Variants in TENM2 observed in about 807,000 individuals in gnomAD.
TENM2 encodes teneurin transmembrane protein 2, also known as teneurin-2.
Under a neutral mutation model 245.2 loss-of-function variants are expected in TENM2, and 52 were observed. That is an observed-to-expected ratio of 0.21 (90% confidence interval 0.17 to 0.27). TENM2 has a LOEUF of 0.27. Ranked by LOEUF, TENM2 falls within the 10% of genes least tolerant of loss-of-function variation. TENM2 has a pLI of 1.00. For missense variants in TENM2, 3,046 were observed against 3,666.8 expected, an observed-to-expected ratio of 0.83 and a Z score of 4.37; for synonymous variants, 1,363 against 1,438.9, an observed-to-expected ratio of 0.95 and a Z score of 1.19.
At chr5:167,379,931 C>CAAA (rs10622295) in intron 2 of TENM2, among the ~76,000 whole-genome samples, 43,668 of 131,710 alleles carry the variant, frequency 0.33, 7,266 homozygotes, top group African/African-American at 0.44. Context: ...AAAAACATAC[C>CAAA]AAAAAAAAAA....
At chr5:167,503,350 C>T (rs755875006) in intron 2 of TENM2, among the ~76,000 whole-genome samples, 1 of 151,626 alleles carries the variant, frequency 6.6e-6, no homozygotes, top group African/African-American at 2.4e-5. Context: ...TTAACTTAGA[C>T]AGTGCATTTG....
chr5:167,521,491 T>A lies in TENM2; in HGVS notation c.502+146018T>A, dbSNP rs980273607. Reference sequence around the variant, plus strand: ...TTACCCAGGAACACTGCAGAAACATTCATCATATACAGGTTTATTTTGGGC... The same window carrying A: ...TTACCCAGGAACACTGCAGAAACATACATCATATACAGGTTTATTTTGGGC... On this transcript the variant is annotated intron_variant, in intron 2 of 28. Coordinates refer to ENST00000518659, the Ensembl canonical transcript of TENM2. Among the ~76,000 whole-genome samples, 9 of 152,182 alleles carry A rather than the reference T, an allele frequency of 5.9e-5. 1 individual carries two copies. The highest frequency in any genetic ancestry group is 1.3e-4 in the Non-Finnish European group (9 of 68,014).
At chr5:167,542,297 C>A (rs150441830) in intron 2 of TENM2, among the ~76,000 whole-genome samples, 61 of 152,254 alleles carry the variant, frequency 4.0e-4, no homozygotes, top group African/African-American at 1.4e-3. Flanking sequence ...TTAACACATA[C>A]CTTTCAAGAG....
intron 13 of TENM2, among the ~76,000 whole-genome samples, chr5:168,178,268 T>A (rs1759529421): frequency 6.6e-6 from 1 of 152,170 alleles, no homozygotes; most frequent in Non-Finnish European, 1.5e-5. Flanking sequence ...GCACTGGCCG[T>A]CGGCTCAGTT....
chr5:167,954,179 TCACTCA>T (rs1780346062), intron 4 of TENM2, among the ~76,000 whole-genome samples: 1 of 150,908 alleles, frequency 6.6e-6, no homozygotes, highest in African/African-American at 2.4e-5. Context: ...ACACACACAC[TCACTCA>T]CACACACACA....
At chr5:167,285,348 C>A (rs1771273986) in intron 1 of TENM2, among the ~76,000 whole-genome samples, 1 of 152,168 alleles carries the variant, frequency 6.6e-6, no homozygotes, top group African/African-American at 2.4e-5. Context: ...TCTCCTTGAA[C>A]AAATGGTGTA....
chr5:167,705,614 A>G (rs1758452006), intron 2 of TENM2, among the ~76,000 whole-genome samples: 1 of 152,146 alleles, frequency 6.6e-6, no homozygotes, highest in Admixed American at 6.6e-5. Flanking sequence ...CATAACACTC[A>G]ATTAGAGTTA....
At chr5:167,603,152 C>A (rs1323403365) in intron 2 of TENM2, among the ~76,000 whole-genome samples, 1 of 152,106 alleles carries the variant, frequency 6.6e-6, no homozygotes, top group African/African-American at 2.4e-5. Flanking sequence ...GATCCTCAAG[C>A]ACCTGGAATG....
At chr5:167,940,026 G>T in intron 3 of TENM2, among the ~76,000 whole-genome samples, 1 of 152,088 alleles carries the variant, frequency 6.6e-6, no homozygotes, top group East Asian at 1.9e-4. Flanking sequence ...TGCTTGTAAG[G>T]CATTTGTTGT....
At chr5:167,842,114 C>T (rs780470015) in intron 2 of TENM2, among the ~76,000 whole-genome samples, 9 of 152,094 alleles carry the variant, frequency 5.9e-5, no homozygotes, top group Non-Finnish European at 1.2e-4. Flanking sequence ...ACTGCCCAGA[C>T]ATCTTGCTGC....
the TENM2 span, among the ~76,000 whole-genome samples, chr5:167,067,737 C>T: frequency 6.6e-6 from 1 of 152,258 alleles, no homozygotes; most frequent in East Asian, 1.9e-4. Flanking sequence ...AACATACACT[C>T]GACAGTTCTC....
the TENM2 span, among the ~76,000 whole-genome samples, chr5:166,988,111 C>G: frequency 2.0e-5 from 3 of 152,168 alleles, no homozygotes; most frequent in African/African-American, 7.2e-5. Context: ...TTCCACAGCC[C>G]CAGGTAATAG....
At chr5:168,185,146 G>A (rs577960821) in intron 13 of TENM2, 1 of 152,286 alleles carries the variant, frequency 6.6e-6, no homozygotes, top group Non-Finnish European at 1.5e-5. Flanking sequence ...CCTGTTGATG[G>A]GTGTCCACTG....
the TENM2 span, among the ~76,000 whole-genome samples, chr5:167,170,414 C>T: frequency 2.6e-5 from 4 of 152,076 alleles, no homozygotes; most frequent in Non-Finnish European, 4.4e-5. Flanking sequence ...ACAAAATAAA[C>T]GTTGTTTTGG....
exon 8 of TENM2, chr5:168,090,630 C>T (rs765538153): frequency 6.5e-5 from 105 of 1,613,224 alleles, no homozygotes; most frequent in Admixed American, 1.7e-5. Flanking sequence ...TTGAGTCTCC[C>T]AGGGAACGCC....
chr5:168,134,148 C>A (rs1486955914), intron 12 of TENM2, among the ~76,000 whole-genome samples: 2 of 151,810 alleles, frequency 1.3e-5, no homozygotes, highest in Admixed American at 1.3e-4. Context: ...GAGTGAGACT[C>A]TGTCTCAAAA....
At chr5:168,109,877 A>T (rs1019358708) in intron 9 of TENM2, among the ~76,000 whole-genome samples, 1 of 152,140 alleles carries the variant, frequency 6.6e-6, no homozygotes, top group Non-Finnish European at 1.5e-5. Flanking sequence ...TGCAGTGCAC[A>T]TTATTTGGTG....
At chr5:168,061,876 C>T (rs1224913364) in intron 6 of TENM2, among the ~76,000 whole-genome samples, 184 bp from the exon 9 acceptor site, 3 of 152,000 alleles carry the variant, frequency 2.0e-5, no homozygotes, top group Non-Finnish European at 4.4e-5. Flanking sequence ...CTGGGGTGTG[C>T]ATTTATAGCT....
intron 5 of TENM2, among the ~76,000 whole-genome samples, chr5:168,040,104 G>C (rs2152002093): frequency 6.6e-6 from 1 of 152,266 alleles, no homozygotes; most frequent in East Asian, 1.9e-4. Flanking sequence ...CCTGATCCCA[G>C]AGCTGCCTCA....
Sources: gnomAD v4.1 joint callset for allele counts (sites outside exome capture counted in the v4.1 genomes callset) on GRCh38, gnomAD v4.1.1 for gene constraint, MANE v1.5 for transcripts, NCBI Gene and HGNC (gene_info 2026-07-23, HGNC 2026-07-21) for gene names.